The following TNNC1 variants were observed in gnomAD, a reference collection of about 807,000 sequenced individuals.
The protein encoded by TNNC1 is troponin C1, slow skeletal and cardiac type.
A neutral mutation model predicts 19.6 loss-of-function variants in TNNC1; 10 were observed. The ratio of observed to expected loss-of-function variants is 0.51; its 90% CI spans 0.31 to 0.87. The LOEUF is 0.87. Among genes scored for constraint, TNNC1 ranks in the 40% least tolerant of loss-of-function variants. The pLI is 0.04. For synonymous variants in TNNC1, 85 were observed against 80.1 expected, an observed-to-expected ratio of 1.06 and a Z score of -0.33; for missense variants, 115 against 219.8, an observed-to-expected ratio of 0.52 and a Z score of 3.02.
chr3:52,453,056 G>C (rs1019774224), intron 1 of TNNC1, among the ~76,000 whole-genome samples: 3 of 152,260 alleles, frequency 2.0e-5, no homozygotes, highest in African/African-American at 7.2e-5. Context: ...GCCAGGCCTT[G>C]TATGGGCACT....
intron 1 of TNNC1, 140 bp downstream of exon 1, chr3:52,453,852 C>T: frequency 1.0e-6 from 1 of 982,064 alleles, no homozygotes; most frequent in East Asian, 2.6e-5. Context: ...ATCACTGTCC[C>T]TGTGAGGGCC....
Position 52,451,575 on chromosome 3 carries a change from G to GC in TNNC1, c.318-49dup. The GC allele has an allele frequency of 1.2e-6, 2 of 1,612,194 alleles. No individual in the cohort carries two copies. Among genetic ancestry groups the GC allele is most frequent in the Non-Finnish European group, 1.7e-6 (2 of 1,178,772 alleles). ...AGGGCTGTGGGGAGGGCATGAGGCA[G>GC]CCCCACCCATGCCCCAGGAGGCAGA... On this transcript the variant is annotated intron_variant, in intron 4 of 5. Coordinates refer to ENST00000232975, the MANE Select transcript of TNNC1 (RefSeq NM_003280.3). The surrounding 1 kb of genome is among the most constrained non-coding windows in gnomAD (Gnocchi z 4.8).
rs1396119258 is a variant in TNNC1 at position 52,451,126 on chromosome 3, C to G, written c.*149G>C. On this transcript the variant is annotated 3_prime_UTR_variant, in exon 6 of 6. Transcript: ENST00000232975. The surrounding 1 kb of genome is among the most constrained non-coding windows in gnomAD (Gnocchi z 4.8). ...TGGGAGAGCAGGCTTTATTTGCATC[C>G]CCCAGGACAGATCTGGGGAGGGAGT... The G allele has an allele frequency of 2.2e-6, 2 of 927,776 alleles. No individual in the cohort carries two copies. The highest frequency in any genetic ancestry group is 2.0e-5 in the Admixed American group (1 of 50,608). 57.5% of individuals were successfully genotyped at this position (927,776 alleles called of 1,614,324 possible). A position where few individuals can be genotyped will look rare whatever the true frequency, so the allele number is the denominator to read the frequency against.
Position 52,452,582 on chromosome 3 carries a change from C to A in TNNC1, c.25-69G>T. On this transcript the variant is annotated intron_variant, in intron 1 of 5. Coordinates refer to ENST00000232975, the MANE Select transcript of TNNC1 (RefSeq NM_003280.3). This position sits in a 1 kb window ranked among gnomAD's most constrained non-coding sequence, Gnocchi z 5.2. ...TGCTGCTGAGGAAACCAACCCATTCCACAGGTGAGAAGGCTGGAGCTGGAG... is the reference window on the plus strand; with the variant it reads ...TGCTGCTGAGGAAACCAACCCATTCAACAGGTGAGAAGGCTGGAGCTGGAG... 2.6e-6 allele frequency: 4 copies of A among 1,543,754 alleles called. No individual in the cohort carries two copies. The highest frequency in any genetic ancestry group is 3.6e-6 in the Non-Finnish European group (4 of 1,124,770).
Position 52,452,239 on chromosome 3 carries a change from G to A in TNNC1, c.69C>T (p.Ala23=), listed in dbSNP as rs144626356. ...TEEQKNEFKA[A]FDIFVLGAED... ...CAGCGCCCAGCACGAAGATGTCGAA[G>A]GCTGCCTTGAACTCTGTGTTCAGGG... Residue 23 remains alanine (A), a synonymous_variant, in exon 3 of 6, where the codon GCC becomes GCT. Coordinates refer to ENST00000232975, the MANE Select transcript of TNNC1 (RefSeq NM_003280.3). This position sits in a 1 kb window ranked among gnomAD's most constrained non-coding sequence, Gnocchi z 5.2. 2 of 1,612,372 alleles carry A rather than the reference G, an allele frequency of 1.2e-6. No homozygotes were observed. Among genetic ancestry groups the A allele is most frequent in the African/African-American group, 2.7e-5 (2 of 74,934 alleles).
rs200066743 is a variant in TNNC1 at position 52,451,773 on chromosome 3, C to T, written c.288G>A (p.Glu96=). The T allele has an allele frequency of 4.3e-6, 7 of 1,614,114 alleles. No homozygotes were observed. In the East Asian group the frequency reaches 1.3e-4, roughly 31 times the overall value. The change falls in exon 4 of 6, where the codon GAG becomes GAA. Residue 96 remains glutamate, a synonymous_variant. Transcript: ENST00000232975. The surrounding 1 kb of genome is among the most constrained non-coding windows in gnomAD (Gnocchi z 4.8). ...CAAACATGCGGAAGAGGTCAGACAG[C>T]TCCTCCTCAGATTTCCCTTTGCTGT... ...KDDSKGKSEE[E]LSDLFRMFDK...
At chr3:52,453,864 G>T in intron 1 of TNNC1, 128 bp downstream of exon 1, 2 of 1,118,606 alleles carry the variant, frequency 1.8e-6, no homozygotes, top group Non-Finnish European at 2.6e-6. Flanking sequence ...GTGAGGGCCT[G>T]GGTTGAAGGC....
In TNNC1 at chr3:52,451,102, G is replaced by C; in HGVS notation, c.*173C>G. ...ACACCAGAGCCAGATAGCAGACCTT[G>C]GGAGAGCAGGCTTTATTTGCATCCC... On this transcript the variant is annotated 3_prime_UTR_variant, in exon 6 of 6. Coordinates refer to ENST00000232975, the MANE Select transcript of TNNC1 (RefSeq NM_003280.3). This position sits in a 1 kb window ranked among gnomAD's most constrained non-coding sequence, Gnocchi z 4.8. 1 of 783,256 alleles carries C rather than the reference G, an allele frequency of 1.3e-6. No homozygotes were observed. Among genetic ancestry groups the C allele is most frequent in the Non-Finnish European group, 2.2e-6 (1 of 461,870 alleles). 48.5% of individuals were successfully genotyped at this position (783,256 alleles called of 1,614,324 possible).
rs1706337251 is a variant in TNNC1 at position 52,452,039 on chromosome 3, A to G, written c.202+67T>C. 5 of 1,611,832 alleles carry G rather than the reference A, an allele frequency of 3.1e-6. No homozygotes were observed. The highest frequency in any genetic ancestry group is 4.2e-6 in the Non-Finnish European group (5 of 1,179,014). ...GATAGGCTAAATTGCTCCCAGCTAA[A>G]CAGAGCCAGCATTCCAGCCCCCAGC... On this transcript the variant is annotated intron_variant, in intron 3 of 5. Coordinates refer to ENST00000232975, the MANE Select transcript of TNNC1 (RefSeq NM_003280.3). This position sits in a 1 kb window ranked among gnomAD's most constrained non-coding sequence, Gnocchi z 5.2.
At position 52,451,548 on chromosome 3, in the gene TNNC1, G is replaced by A. The variant is rs1184525985; in HGVS notation, c.318-21C>T. On this transcript the variant is annotated intron_variant, in intron 4 of 5. Transcript: ENST00000232975. The surrounding 1 kb of genome is among the most constrained non-coding windows in gnomAD (Gnocchi z 4.8). ...CATTTCTGTGGGGAGGGGGCTCAGG[G>A]TAGGGCTGTGGGGAGGGCATGAGGC... 1.9e-6 allele frequency: 3 copies of A among 1,613,968 alleles called. No individual in the cohort carries two copies. Among genetic ancestry groups the A allele is most frequent in the East Asian group, 2.2e-5 (1 of 44,876 alleles).
rs1559615735 is a variant in TNNC1, at chr3:52,451,448, TGTC to T, written c.394_396del (p.Asp132del). 6.2e-7 allele frequency: 1 copy of T among 1,614,190 alleles called. No individual in the cohort carries two copies. The highest frequency in any genetic ancestry group is 8.5e-7 in the Non-Finnish European group (1 of 1,180,016). ...TCTCCGTCCTTCATGAGCTCCTCGA[TGTC>T]GTCCTCCGTGATGGTCTCGCCTGTA... On this transcript the variant is annotated inframe_deletion, in exon 5 of 6. Transcript: ENST00000232975. The surrounding 1 kb of genome is among the most constrained non-coding windows in gnomAD (Gnocchi z 4.8).
Position 52,452,302 on chromosome 3 carries a change from C to A in TNNC1, c.56-50G>T, listed in dbSNP as rs373230731. The A allele has an allele frequency of 1.2e-6, 2 of 1,603,010 alleles. No homozygotes were observed. Among genetic ancestry groups the A allele is most frequent in the Non-Finnish European group, 8.5e-7 (1 of 1,179,864 alleles). ...AGTAGTCAGGGCTCAGCAGCCAGGACCACGGAGGGCCAGAACCCTGGGGCC... is the reference window on the plus strand; with the variant it reads ...AGTAGTCAGGGCTCAGCAGCCAGGAACACGGAGGGCCAGAACCCTGGGGCC... On this transcript the variant is annotated intron_variant, in intron 2 of 5. Transcript: ENST00000232975. The surrounding 1 kb of genome is among the most constrained non-coding windows in gnomAD (Gnocchi z 5.2).
Position 52,452,579 on chromosome 3 carries a change from T to G in TNNC1, c.25-66A>C. On this transcript the variant is annotated intron_variant, in intron 1 of 5. Coordinates refer to ENST00000232975, the MANE Select transcript of TNNC1 (RefSeq NM_003280.3). This position sits in a 1 kb window ranked among gnomAD's most constrained non-coding sequence, Gnocchi z 5.2. ...AGCTGCTGCTGAGGAAACCAACCCA[T>G]TCCACAGGTGAGAAGGCTGGAGCTG... 5 of 1,537,896 alleles carry G rather than the reference T, an allele frequency of 3.3e-6. No homozygotes were observed. The highest frequency in any genetic ancestry group is 4.5e-6 in the Non-Finnish European group (5 of 1,118,634).
In TNNC1 at chr3:52,451,725, T is replaced by G. The variant is rs1578263987; in HGVS notation, c.317+19A>C. On this transcript the variant is annotated intron_variant, in intron 4 of 5. Coordinates refer to ENST00000232975, the MANE Select transcript of TNNC1 (RefSeq NM_003280.3). This position sits in a 1 kb window ranked among gnomAD's most constrained non-coding sequence, Gnocchi z 4.8. The stretch of plus-strand genomic sequence containing the variant: ...CTTGAGTGTGGGTCAGGGTCAGAGG[T>G]CAAGGGTCACGTGCTCACTTGTCAA... 1 of 1,611,048 alleles carries G rather than the reference T, an allele frequency of 6.2e-7. No individual in the cohort carries two copies. The highest frequency in any genetic ancestry group is 8.5e-7 in the Non-Finnish European group (1 of 1,177,314).
chr3:52,451,616 G>A lies in TNNC1; in HGVS notation c.318-89C>T. ...AGGAGGCAGAGCAGGGACACTGGGA[G>A]ATGGGGCATCCCTCTCCCCTATCAG... is the stretch of plus-strand genomic sequence containing the variant. On this transcript the variant is annotated intron_variant, in intron 4 of 5. Coordinates refer to ENST00000232975, the MANE Select transcript of TNNC1 (RefSeq NM_003280.3). The surrounding 1 kb of genome is among the most constrained non-coding windows in gnomAD (Gnocchi z 4.8). 6.3e-7 allele frequency: 1 copy of A among 1,590,904 alleles called. No individual in the cohort carries two copies. Among genetic ancestry groups the A allele is most frequent in the Non-Finnish European group, 8.6e-7 (1 of 1,159,662 alleles).
At chr3:52,453,385 G>C (rs901269580) in intron 1 of TNNC1, among the ~76,000 whole-genome samples, 1 of 152,156 alleles carries the variant, frequency 6.6e-6, no homozygotes, top group Non-Finnish European at 1.5e-5. Flanking sequence ...GGCATGATGG[G>C]AGCTGGGGCC....
In TNNC1 at chr3:52,453,976, C is replaced by T; in HGVS notation, c.24+16G>A. 1 of 1,584,152 alleles carries T rather than the reference C, an allele frequency of 6.3e-7. No homozygotes were observed. Among genetic ancestry groups the T allele is most frequent in the African/African-American group, 1.3e-5 (1 of 74,472 alleles). On this transcript the variant is annotated intron_variant, in intron 1 of 5. Coordinates refer to ENST00000232975, the MANE Select transcript of TNNC1 (RefSeq NM_003280.3). ...TGGGCCTGCCCACCCCAGCCCTACC[C>T]AGCCCTGTCCCTCACCGCAGCCTTG...
At chr3:52,453,375 G>C (rs1354709801) in intron 1 of TNNC1, among the ~76,000 whole-genome samples, 2 of 152,188 alleles carry the variant, frequency 1.3e-5, no homozygotes, top group African/African-American at 4.8e-5. Context: ...GAGCCTGCCA[G>C]GCATGATGGG....
rs1357084861 is a variant in TNNC1, at chr3:52,452,675, C to T, written c.25-162G>A. On this transcript the variant is annotated intron_variant, in intron 1 of 5. Transcript: ENST00000232975. This position sits in a 1 kb window ranked among gnomAD's most constrained non-coding sequence, Gnocchi z 5.2. Reference sequence around the variant, plus strand: ...TCCCTCCCTGCCCCCAAAGCCCTGACGTGACCCAGCTGGCCTCACTGCGAC... The same window carrying T: ...TCCCTCCCTGCCCCCAAAGCCCTGATGTGACCCAGCTGGCCTCACTGCGAC... 9 of 798,696 alleles carry T rather than the reference C, an allele frequency of 1.1e-5. No individual in the cohort carries two copies. The highest frequency in any genetic ancestry group is 3.0e-5 in the South Asian group (2 of 66,184). The allele number at this position is 798,696 out of a possible 1,614,324, so 49.5% of individuals were successfully genotyped here.
Sources: gnomAD v4.1 joint callset for allele counts (sites outside exome capture counted in the v4.1 genomes callset) on GRCh38, gnomAD v4.1.1 for gene constraint, Gnocchi (gnomAD v3.1) non-coding constraint, MANE v1.5 for transcripts, NCBI Gene and HGNC (gene_info 2026-07-23, HGNC 2026-07-21) for gene names.